Variants in RAD51B observed in about 807,000 individuals in gnomAD.
The protein encoded by RAD51B is DNA repair protein RAD51 homolog 2.
A neutral mutation model predicts 42.2 loss-of-function variants in RAD51B; 38 were observed. The ratio of observed to expected loss-of-function variants is 0.90; its 90% CI spans 0.70 to 1.18. The LOEUF is 1.18. Ranked by LOEUF, RAD51B falls within the 50% of genes most tolerant of loss-of-function variation. The probability of loss-of-function intolerance (pLI) is 0.00; values close to 1 mark genes in which losing one functional copy is unlikely to be tolerated. For missense variants in RAD51B, 373 were observed against 400.7 expected, an observed-to-expected ratio of 0.93 and a Z score of 0.59; for synonymous variants, 154 against 145.2, an observed-to-expected ratio of 1.06 and a Z score of -0.43.
At chr14:68,598,462 A>G (rs985190415), downstream of RAD51B, among the ~76,000 whole-genome samples, 1 of 152,234 alleles carries the variant, frequency 6.6e-6, no homozygotes, top group East Asian at 1.9e-4. Context: ...AGAGTGTCTA[A>G]TACTCCTGTT....
At chr14:68,026,964 G>C (rs2075966124) in intron 7 of RAD51B, among the ~76,000 whole-genome samples, 1 of 152,094 alleles carries the variant, frequency 6.6e-6, no homozygotes, top group Admixed American at 6.5e-5. Context: ...AGGGTGTTTT[G>C]TGGTAACAGG....
chr14:68,244,165 G>T (rs972755434), intron 7 of RAD51B, among the ~76,000 whole-genome samples: 2 of 151,966 alleles, frequency 1.3e-5, no homozygotes, highest in Non-Finnish European at 2.9e-5. Flanking sequence ...TTAGTCCAAT[G>T]GCCTACCTAC....
At chr14:68,582,235 G>A (rs1185663135) in intron 10 of RAD51B, among the ~76,000 whole-genome samples, 1 of 152,046 alleles carries the variant, frequency 6.6e-6, no homozygotes, top group African/African-American at 2.4e-5. Flanking sequence ...TACAGAATGG[G>A]AGAACATTTT....
intron 8 of RAD51B, among the ~76,000 whole-genome samples, chr14:68,319,842 A>G (rs1422586987): frequency 1.3e-5 from 2 of 152,190 alleles, no homozygotes; most frequent in Non-Finnish European, 2.9e-5. Flanking sequence ...TCATTTACTG[A>G]GTGCCTAATA....
chr14:67,970,498 GT>G (rs960980088), intron 7 of RAD51B, among the ~76,000 whole-genome samples: 14 of 146,838 alleles, frequency 9.5e-5, no homozygotes, highest in Non-Finnish European at 1.4e-4. Flanking sequence ...CCTTTTAGTT[GT>G]TTTTTTTTTC....
At chr14:68,321,722 A>G (rs1387586931) in intron 8 of RAD51B, among the ~76,000 whole-genome samples, 5 of 152,214 alleles carry the variant, frequency 3.3e-5, no homozygotes, top group Non-Finnish European at 7.3e-5. Context: ...ATGAGGATTC[A>G]GTTAGTTAAT....
chr14:68,151,614 G>T (rs76604759), intron 7 of RAD51B, among the ~76,000 whole-genome samples: 5,418 of 149,830 alleles, frequency 0.036, 287 homozygotes, highest in African/African-American at 0.11. Context: ...TTGGTTTTTT[G>T]TGTGTGTGTG....
intron 10 of RAD51B, among the ~76,000 whole-genome samples, chr14:68,585,517 C>A (rs1890418959): frequency 6.6e-6 from 1 of 152,160 alleles, no homozygotes; most frequent in Non-Finnish European, 1.5e-5. Flanking sequence ...CAGAGCCTAT[C>A]TTTAACAAAG....
intron 10 of RAD51B, among the ~76,000 whole-genome samples, chr14:68,622,666 T>C (rs1236797753): frequency 6.8e-6 from 1 of 147,090 alleles, no homozygotes. Context: ...CTACATTTCC[T>C]GATAGCCCTT....
At chr14:68,570,885 A>ACG (rs1566941190) in intron 10 of RAD51B, among the ~76,000 whole-genome samples, 1 of 151,234 alleles carries the variant, frequency 6.6e-6, no homozygotes, top group Non-Finnish European at 1.5e-5. Flanking sequence ...ACACACACAC[A>ACG]CACACACACA....
chr14:68,415,630 G>A (rs540241578), intron 9 of RAD51B, among the ~76,000 whole-genome samples: 8 of 152,312 alleles, frequency 5.3e-5, no homozygotes, highest in African/African-American at 7.2e-5. Flanking sequence ...GTTCTCTAGC[G>A]ATGAATGAGG....
chr14:68,629,562 T>C (rs537276546), intron 10 of RAD51B, among the ~76,000 whole-genome samples: 6 of 152,142 alleles, frequency 3.9e-5, no homozygotes, highest in Non-Finnish European at 7.4e-5. Flanking sequence ...CCTCAGCATC[T>C]TGAAGGGAAA....
intron 5 of RAD51B, among the ~76,000 whole-genome samples, chr14:67,875,011 A>G (rs750222713): frequency 6.6e-6 from 1 of 152,146 alleles, no homozygotes; most frequent in Non-Finnish European, 1.5e-5. Flanking sequence ...TAGAACTGCA[A>G]ATTGAAGGGG....
intron 10 of RAD51B, chr14:68,545,592 G>A (rs1424746759): frequency 1.1e-5 from 5 of 455,968 alleles, no homozygotes. Context: ...CCAAAGGAAG[G>A]GGCCATTGTA....
intron 10 of RAD51B, among the ~76,000 whole-genome samples, chr14:68,501,749 C>T (rs896881058): frequency 1.3e-5 from 2 of 152,280 alleles, no homozygotes; most frequent in African/African-American, 4.8e-5. Flanking sequence ...TAGTGAATGG[C>T]TCAAGTTCTT....
chr14:68,433,126 T>G (rs570475970), intron 9 of RAD51B, among the ~76,000 whole-genome samples: 55 of 152,220 alleles, frequency 3.6e-4, no homozygotes, highest in Non-Finnish European at 6.6e-4. Flanking sequence ...AGCTGTTAGT[T>G]TGATGGGCTT....
intron 7 of RAD51B, among the ~76,000 whole-genome samples, chr14:68,211,150 A>G (rs539830422): frequency 9.2e-5 from 14 of 152,292 alleles, no homozygotes; most frequent in African/African-American, 2.6e-4. Context: ...CACATGGTGC[A>G]TTTCCTAGGT....
intron 5 of RAD51B, among the ~76,000 whole-genome samples, chr14:67,874,781 C>T (rs1404557894): frequency 6.6e-6 from 1 of 151,994 alleles, no homozygotes; most frequent in Non-Finnish European, 1.5e-5. Context: ...AGTGACCCAT[C>T]CCCATATTCT....
chr14:68,243,777 G>A (rs1242307046), intron 7 of RAD51B, among the ~76,000 whole-genome samples: 1 of 152,102 alleles, frequency 6.6e-6, no homozygotes, highest in Non-Finnish European at 1.5e-5. Flanking sequence ...CTTTAAACAT[G>A]GTTCTGGCAG....
Sources: gnomAD v4.1 joint callset for allele counts (sites outside exome capture counted in the v4.1 genomes callset) on GRCh38, gnomAD v4.1.1 for gene constraint, MANE v1.5 for transcripts, NCBI Gene and HGNC (gene_info 2026-07-23, HGNC 2026-07-21) for gene names.